ITPR1: variants seen among roughly 807,000 people sequenced by gnomAD.
The protein encoded by ITPR1 is inositol 1,4,5-trisphosphate-gated calcium channel ITPR1.
A neutral mutation model predicts 318.4 loss-of-function variants in ITPR1; 96 were observed. The observed-to-expected ratio is 0.30, with a 90% CI of 0.26 to 0.36. The LOEUF is 0.36. ITPR1 is among the 10% of genes least tolerant of loss of function. The pLI is 1.00. For synonymous variants in ITPR1, 1,312 were observed against 1,289.9 expected (o/e 1.02, Z -0.37); for missense variants, 2,440 against 3,460.2 (o/e 0.71, Z 7.40).
intron 22 of ITPR1, 65 bp from the exon 23 acceptor site, chr3:4,675,003 C>G: frequency 1.2e-6 from 1 of 857,858 alleles, no homozygotes; most frequent in Non-Finnish European, 1.9e-6. Flanking sequence ...TGGTCAACAT[C>G]AAATGGAATT....
intron 4 of ITPR1, among the ~76,000 whole-genome samples, chr3:4,529,821 T>C (rs775670024): frequency 2.8e-4 from 42 of 152,214 alleles, no homozygotes; most frequent in Non-Finnish European, 1.0e-4. Context: ...TTAATTAATA[T>C]ACTTTACATA....
At chr3:4,837,363 A>C (rs1013615367) in intron 61 of ITPR1, among the ~76,000 whole-genome samples, 1 of 151,912 alleles carries the variant, frequency 6.6e-6, no homozygotes. Flanking sequence ...TAAATTCAGC[A>C]TCCTAGGCTA....
chr3:4,508,579 A>G (rs2081566590), intron 2 of ITPR1, among the ~76,000 whole-genome samples: 1 of 150,504 alleles, frequency 6.6e-6, no homozygotes, highest in African/African-American at 2.4e-5. Flanking sequence ...TGAGTTTTCT[A>G]TCACACTAAA....
intron 4 of ITPR1, among the ~76,000 whole-genome samples, chr3:4,619,990 T>G (rs1443477036): frequency 6.6e-6 from 1 of 152,082 alleles, no homozygotes; most frequent in African/African-American, 2.4e-5. Flanking sequence ...GTTATGTGCT[T>G]TTTCACTTTT....
intron 6 of ITPR1, among the ~76,000 whole-genome samples, chr3:4,640,852 G>C (rs558971316): frequency 1.3e-5 from 2 of 152,152 alleles, no homozygotes; most frequent in Non-Finnish European, 2.9e-5. Flanking sequence ...GGTAACTTTC[G>C]TTTATAAACA....
Position 4,796,615 on chromosome 3 carries a change from G to A in ITPR1, c.6931+1428G>A, listed in dbSNP as rs531105233. On this transcript the variant is annotated intron_variant, in intron 53 of 61. Transcript: ENST00000649015. ...TCAAACAGATTTTATTATTCGCCAC[G>A]TCTGTTTTCTTCACCGGTCATTTGT... is the stretch of plus-strand genomic sequence containing the variant. 5.4e-4 allele frequency among the ~76,000 whole-genome samples: 82 copies of A among 152,262 alleles called. 1 individual carries two copies. Among genetic ancestry groups the A allele is most frequent in the South Asian group, 5.0e-3 (24 of 4,826 alleles).
At chr3:4,765,467 A>G (rs2045756339) in intron 44 of ITPR1, among the ~76,000 whole-genome samples, 1 of 152,150 alleles carries the variant, frequency 6.6e-6, no homozygotes, top group South Asian at 2.1e-4. Flanking sequence ...GGCTCTGCTG[A>G]ATCAGGCATT....
At chr3:4,781,448 G>A (rs1248155587) in intron 49 of ITPR1, among the ~76,000 whole-genome samples, 2 of 152,118 alleles carry the variant, frequency 1.3e-5, no homozygotes, top group Non-Finnish European at 2.9e-5. Flanking sequence ...ATTCAGATAT[G>A]AGCAGACCCA....
At chr3:4,552,431 G>A (rs915922422) in intron 4 of ITPR1, among the ~76,000 whole-genome samples, 2 of 152,064 alleles carry the variant, frequency 1.3e-5, no homozygotes, top group African/African-American at 4.8e-5. Flanking sequence ...CACAACTCAG[G>A]GAAGCATGTT....
At chr3:4,814,787 T>A in intron 58 of ITPR1, 2 of 607,980 alleles carry the variant, frequency 3.3e-6, no homozygotes, top group Non-Finnish European at 5.8e-6. Context: ...CTCTGTTCAG[T>A]AGACTTAGGG....
At chr3:4,716,851 C>T (rs771765791) in intron 39 of ITPR1, among the ~76,000 whole-genome samples, 4 of 152,162 alleles carry the variant, frequency 2.6e-5, no homozygotes, top group Non-Finnish European at 5.9e-5. Flanking sequence ...CTTTAATCAT[C>T]CACAGGACCA....
intron 52 of ITPR1, among the ~76,000 whole-genome samples, chr3:4,789,547 C>T (rs2047419189): frequency 6.6e-6 from 1 of 152,212 alleles, no homozygotes; most frequent in Non-Finnish European, 1.5e-5. Context: ...TGCTTTTGTC[C>T]TTCACTGGGA....
intron 60 of ITPR1, among the ~76,000 whole-genome samples, chr3:4,819,885 C>T (rs1342580394): frequency 6.6e-6 from 1 of 152,204 alleles, no homozygotes; most frequent in Non-Finnish European, 1.5e-5. Context: ...ATCCCTTTTA[C>T]AGATAAAAGC....
chr3:4,647,733 C>T (rs552668852), intron 10 of ITPR1, among the ~76,000 whole-genome samples: 12 of 152,224 alleles, frequency 7.9e-5, no homozygotes, highest in South Asian at 2.1e-4. Context: ...GTTTGGTTAA[C>T]GATGTTGAGC....
At chr3:4,685,796 T>C (rs908910591) in intron 30 of ITPR1, among the ~76,000 whole-genome samples, 2 of 152,230 alleles carry the variant, frequency 1.3e-5, no homozygotes, top group Non-Finnish European at 2.9e-5. Flanking sequence ...GTGCTTTGCA[T>C]GCATGTAGGC....
intron 7 of ITPR1, among the ~76,000 whole-genome samples, chr3:4,642,913 C>T (rs77073337): frequency 0.011 from 1,600 of 152,312 alleles, 10 homozygotes; most frequent in Admixed American, 0.019. Context: ...ACCTTGTTAA[C>T]GATTCTAAAG....
intron 20 of ITPR1, among the ~76,000 whole-genome samples, chr3:4,672,649 T>A (rs183598411): frequency 6.6e-6 from 1 of 152,348 alleles, no homozygotes; most frequent in Non-Finnish European, 1.5e-5. Context: ...AATGTTTTTT[T>A]ACACGTGTAG....
intron 4 of ITPR1, among the ~76,000 whole-genome samples, chr3:4,582,336 A>G (rs1472739540): frequency 3.3e-5 from 5 of 152,200 alleles, no homozygotes; most frequent in African/African-American, 1.2e-4. Context: ...TGTCTGTAGG[A>G]AAATGTCCTC....
intron 44 of ITPR1, among the ~76,000 whole-genome samples, chr3:4,738,999 T>A (rs889614232): frequency 6.6e-6 from 1 of 152,180 alleles, no homozygotes; most frequent in Non-Finnish European, 1.5e-5. Context: ...GGCCGATGGT[T>A]CCAGGAAAAT....
Sources: gnomAD v4.1 joint callset for allele counts (sites outside exome capture counted in the v4.1 genomes callset) on GRCh38, gnomAD v4.1.1 for gene constraint, MANE v1.5 for transcripts, NCBI Gene and HGNC (gene_info 2026-07-23, HGNC 2026-07-21) for gene names.